The following ZFHX3 variants were observed in gnomAD, a reference collection of about 807,000 sequenced individuals.
ZFHX3 encodes the protein zinc finger homeobox protein 3.
In ZFHX3, 42 loss-of-function variants were observed where a neutral mutation model predicts 279.1. That is an observed-to-expected ratio of 0.15 (90% CI 0.12 to 0.19). The LOEUF is 0.19. ZFHX3 is among the 10% of genes least tolerant of loss of function. The pLI is 1.00. For synonymous variants in ZFHX3, 2,293 were observed against 1,957.8 expected (o/e 1.17, Z -4.52); for missense variants, 4,981 against 4,754.0 (o/e 1.05, Z -1.40).
intron 4 of ZFHX3, among the ~76,000 whole-genome samples, chr16:72,849,446 C>A (rs2037558049): frequency 6.6e-6 from 1 of 152,120 alleles, no homozygotes; most frequent in Non-Finnish European, 1.5e-5. Context: ...AATAAACCTG[C>A]CTGAAGATGA....
intron 5 of ZFHX3, among the ~76,000 whole-genome samples, chr16:73,146,829 G>C (rs886412992): frequency 6.6e-6 from 1 of 152,032 alleles, no homozygotes; most frequent in Non-Finnish European, 1.5e-5. Context: ...TAATGTTTTT[G>C]TATTTTTTGT....
intron 1 of ZFHX3, among the ~76,000 whole-genome samples, chr16:73,044,651 C>T (rs899495960): frequency 2.0e-5 from 3 of 152,104 alleles, no homozygotes; most frequent in African/African-American, 7.2e-5. Flanking sequence ...TTCGGAGTTT[C>T]GCTCTTGTTG....
chr16:73,397,397 A>G (rs1228467177), intron 3 of ZFHX3, among the ~76,000 whole-genome samples: 2 of 152,202 alleles, frequency 1.3e-5, no homozygotes, highest in Admixed American at 1.3e-4. Context: ...GAGGAGGCAG[A>G]GGAAGAGTAA....
chr16:73,572,586 C>T (rs2051753209), intron 2 of ZFHX3, among the ~76,000 whole-genome samples: 1 of 152,174 alleles, frequency 6.6e-6, no homozygotes, highest in Non-Finnish European at 1.5e-5. Flanking sequence ...AGAACAATCA[C>T]AACAATAAAA....
At chr16:73,251,863 C>CACCAT (rs1465469311) in intron 5 of ZFHX3, among the ~76,000 whole-genome samples, 43 of 135,370 alleles carry the variant, frequency 3.2e-4, no homozygotes, top group African/African-American at 1.2e-3. Flanking sequence ...ACCGCACACA[C>CACCAT]GCACACACCA....
At chr16:72,901,896 G>A (rs958095323) in intron 3 of ZFHX3, among the ~76,000 whole-genome samples, 7 of 152,120 alleles carry the variant, frequency 4.6e-5, no homozygotes, top group Admixed American at 2.6e-4. Flanking sequence ...CCATGCACTG[G>A]GTTCTGCCCT....
intron 5 of ZFHX3, among the ~76,000 whole-genome samples, chr16:73,179,286 C>T (rs1967737313): frequency 6.6e-6 from 1 of 152,162 alleles, no homozygotes; most frequent in East Asian, 1.9e-4. Flanking sequence ...TGACATCAAA[C>T]CATTCCTTTT....
chr16:73,320,702 G>A (rs758428450), intron 3 of ZFHX3, among the ~76,000 whole-genome samples: 6 of 152,142 alleles, frequency 3.9e-5, no homozygotes, highest in Non-Finnish European at 8.8e-5. Flanking sequence ...TCATCCCATT[G>A]AAGGCTCCCA....
At chr16:73,370,250 T>C (rs2016602454) in intron 3 of ZFHX3, among the ~76,000 whole-genome samples, 1 of 152,268 alleles carries the variant, frequency 6.6e-6, no homozygotes, top group Non-Finnish European at 1.5e-5. Context: ...CAGCTGCATT[T>C]TCACCTGGGT....
intron 1 of ZFHX3, among the ~76,000 whole-genome samples, chr16:73,870,623 C>G (rs1244613293): frequency 6.6e-6 from 1 of 152,232 alleles, no homozygotes; most frequent in Non-Finnish European, 1.5e-5. Context: ...GCACACTCCT[C>G]TTCCTTCTCT....
chr16:72,833,025 C>A (rs2037102091), intron 4 of ZFHX3, among the ~76,000 whole-genome samples: 2 of 152,192 alleles, frequency 1.3e-5, no homozygotes, highest in African/African-American at 2.4e-5. Flanking sequence ...GATTAAAAAA[C>A]AGAGATGCAA....
At chr16:73,496,252 C>T (rs961439181) in intron 2 of ZFHX3, among the ~76,000 whole-genome samples, 2 of 152,204 alleles carry the variant, frequency 1.3e-5, no homozygotes, top group African/African-American at 4.8e-5. Flanking sequence ...ACATCGTGGC[C>T]GGGCGTGGCG....
intron 4 of ZFHX3, among the ~76,000 whole-genome samples, chr16:73,315,481 C>T (rs1157768474): frequency 2.0e-5 from 3 of 152,056 alleles, no homozygotes; most frequent in African/African-American, 4.8e-5. Context: ...CCATTAATAC[C>T]GGTATCTCTT....
Position 73,248,736 on chromosome 16 carries a change from T to C in ZFHX3, c.-1104+8311A>G, listed in dbSNP as rs548752942. 4.6e-5 allele frequency among the ~76,000 whole-genome samples: 7 copies of C among 152,210 alleles called. No individual in the cohort carries two copies. The East Asian group carries it at 1.3e-3, about 29-fold the overall frequency. ...TCTCCCCTATGTGCTGAGTATGCACTAGAATGGAACGTCTGCTTTTCTAGA... is the reference window on the plus strand; with the variant it reads ...TCTCCCCTATGTGCTGAGTATGCACCAGAATGGAACGTCTGCTTTTCTAGA... On this transcript the variant is annotated intron_variant, in intron 5 of 17. Coordinates refer to the ZFHX3 transcript ENST00000641206.
chr16:73,588,710 A>G (rs2051954655), intron 2 of ZFHX3, among the ~76,000 whole-genome samples: 1 of 151,234 alleles, frequency 6.6e-6, no homozygotes, highest in Non-Finnish European at 1.5e-5. Context: ...AACAAAACAA[A>G]AAAAAAAAAA....
intron 1 of ZFHX3, among the ~76,000 whole-genome samples, chr16:73,004,321 CTTTT>C (rs34987461): frequency 3.3e-4 from 17 of 52,106 alleles, no homozygotes; most frequent in Admixed American, 6.2e-4. Flanking sequence ...ATGCATCAAT[CTTTT>C]TTTTTTTTTT....
intron 3 of ZFHX3, among the ~76,000 whole-genome samples, chr16:73,454,526 G>A (rs1188441781): frequency 7.5e-5 from 11 of 145,824 alleles, no homozygotes; most frequent in African/African-American, 2.8e-4. Flanking sequence ...ACTTAGGTTA[G>A]TTAGCAAAAA....
At chr16:73,129,703 TGTGC>T (rs1368638552) in intron 7 of ZFHX3, among the ~76,000 whole-genome samples, 13 of 140,742 alleles carry the variant, frequency 9.2e-5, no homozygotes, top group Non-Finnish European at 1.1e-4. Context: ...TGTGCATGTG[TGTGC>T]ATGTGTATGT....
intron 1 of ZFHX3, among the ~76,000 whole-genome samples, chr16:73,806,366 G>A (rs949733560): frequency 2.6e-5 from 4 of 152,192 alleles, no homozygotes; most frequent in African/African-American, 2.4e-5. Flanking sequence ...CAGGGAAGCC[G>A]GTGTGACCAC....
Sources: allele counts gnomAD v4.1 joint callset (sites outside exome capture counted in the v4.1 genomes callset), GRCh38; gene constraint gnomAD v4.1.1; transcripts MANE v1.5; gene names NCBI Gene and HGNC (gene_info 2026-07-23, HGNC 2026-07-21).